PDE10A: variants seen among roughly 807,000 people sequenced by gnomAD.
PDE10A encodes phosphodiesterase 10A, also known as cAMP and cAMP-inhibited cGMP 3',5'-cyclic phosphodiesterase 10A.
PDE10A carries 39 observed loss-of-function variants against 97.7 expected under a neutral mutation model. That is an observed-to-expected ratio of 0.40 (90% confidence interval 0.31 to 0.52). The LOEUF (loss-of-function observed/expected upper bound fraction) is 0.52, where lower values mean the gene tolerates loss of function less well. Among genes scored for constraint, PDE10A ranks in the 20% least tolerant of loss-of-function variants. The probability of loss-of-function intolerance (pLI) is 0.56; values close to 1 mark genes in which losing one functional copy is unlikely to be tolerated. For missense variants in PDE10A, 731 were observed against 1,047.8 expected (o/e 0.70, Z 4.17); for synonymous variants, 371 against 376.8 (o/e 0.98, Z 0.18).
At chr6:165,534,811 G>T (rs1054012478) in intron 2 of PDE10A, among the ~76,000 whole-genome samples, 3 of 151,954 alleles carry the variant, frequency 2.0e-5, no homozygotes, top group Admixed American at 6.6e-5. Context: ...AACAATAAAG[G>T]CCATATACAA....
chr6:165,933,990 T>C (rs1783237860), intron 1 of PDE10A, among the ~76,000 whole-genome samples: 1 of 143,824 alleles, frequency 7.0e-6, no homozygotes, highest in South Asian at 2.2e-4. Context: ...TCAATTCCCT[T>C]TTTTTTTTTT....
intron 1 of PDE10A, among the ~76,000 whole-genome samples, chr6:165,608,234 T>C (rs1475024210): frequency 4.7e-5 from 7 of 149,178 alleles, no homozygotes; most frequent in Non-Finnish European, 1.5e-5. Context: ...TTACATTAGG[T>C]ATATCTCCTA....
intron 1 of PDE10A, among the ~76,000 whole-genome samples, chr6:165,943,225 A>AAG (rs1357344284): frequency 2.2e-4 from 16 of 71,464 alleles, no homozygotes; most frequent in African/African-American, 9.0e-4. Context: ...GAAAGAAAGA[A>AAG]AGAAAGAAAG....
At chr6:165,887,488 C>A (rs1363900923) in intron 1 of PDE10A, among the ~76,000 whole-genome samples, 1 of 152,146 alleles carries the variant, frequency 6.6e-6, no homozygotes, top group African/African-American at 2.4e-5. Context: ...CCTCCTGAAC[C>A]TTTCCTTCAC....
intron 18 of PDE10A, among the ~76,000 whole-genome samples, chr6:165,356,968 C>A (rs1783066766): frequency 6.6e-6 from 1 of 152,082 alleles, no homozygotes; most frequent in Non-Finnish European, 1.5e-5. Context: ...CAGAACTAGA[C>A]AGAGGGGGTA....
chr6:165,828,267 G>A (rs1779814731), intron 1 of PDE10A, among the ~76,000 whole-genome samples: 2 of 152,200 alleles, frequency 1.3e-5, no homozygotes, highest in African/African-American at 2.4e-5. Flanking sequence ...ACCTGCAGTA[G>A]GTATGAAATA....
intron 1 of PDE10A, among the ~76,000 whole-genome samples, chr6:165,839,690 T>C (rs1343015434): frequency 1.3e-5 from 1 of 79,630 alleles, no homozygotes; most frequent in Non-Finnish European, 2.7e-5. Flanking sequence ...CGTGTCCATC[T>C]CCATCCCCAT....
chr6:165,805,068 A>G (rs1459682497), intron 1 of PDE10A, among the ~76,000 whole-genome samples: 1 of 112,576 alleles, frequency 8.9e-6, no homozygotes, highest in African/African-American at 3.4e-5. Context: ...ATGGAGGGAC[A>G]TGGGGCGTAC....
At chr6:165,759,934 G>C (rs1402938313) in intron 1 of PDE10A, among the ~76,000 whole-genome samples, 1 of 152,100 alleles carries the variant, frequency 6.6e-6, no homozygotes, top group South Asian at 2.1e-4. Flanking sequence ...ATTATTTTAT[G>C]TTTCTTTTCC....
intron 1 of PDE10A, among the ~76,000 whole-genome samples, chr6:165,646,809 T>A (rs1789421294): frequency 6.6e-6 from 1 of 152,214 alleles, no homozygotes; most frequent in Non-Finnish European, 1.5e-5. Flanking sequence ...AAATATGACC[T>A]ACTGAGAGAC....
At chr6:165,873,400 T>C (rs1781254330) in intron 1 of PDE10A, among the ~76,000 whole-genome samples, 1 of 152,212 alleles carries the variant, frequency 6.6e-6, no homozygotes. Context: ...TAACTTGCTC[T>C]GCGGGGAAGG....
At chr6:165,490,397 A>G (rs1780160493) in intron 2 of PDE10A, among the ~76,000 whole-genome samples, 1 of 152,244 alleles carries the variant, frequency 6.6e-6, no homozygotes, top group African/African-American at 2.4e-5. Context: ...ACAAATGCCA[A>G]GAGAATTCGC....
At chr6:165,362,021 A>T (rs1310347053) in intron 18 of PDE10A, among the ~76,000 whole-genome samples, 4 of 152,218 alleles carry the variant, frequency 2.6e-5, no homozygotes, top group Non-Finnish European at 5.9e-5. Context: ...AATATATCAA[A>T]GCTCATGGGA....
chr6:165,642,705 C>T (rs1410199295), intron 1 of PDE10A, among the ~76,000 whole-genome samples: 1 of 152,216 alleles, frequency 6.6e-6, no homozygotes, highest in Non-Finnish European at 1.5e-5. Flanking sequence ...TGCTTTCAGA[C>T]ACTCTCAGGT....
chr6:165,335,791 G>T (rs1408621547), intron 21 of PDE10A, among the ~76,000 whole-genome samples: 4 of 152,140 alleles, frequency 2.6e-5, no homozygotes, highest in Non-Finnish European at 5.9e-5. Flanking sequence ...CACCGAGACA[G>T]AGGCCCTCCC....
intron 1 of PDE10A, among the ~76,000 whole-genome samples, chr6:165,669,206 C>G (rs28360519): frequency 0.39 from 59,777 of 152,086 alleles, 12,734 homozygotes; most frequent in Non-Finnish European, 0.46. Context: ...GATGAGCGAC[C>G]TTGTTTTTTC....
chr6:165,849,150 T>A (rs928064044), intron 1 of PDE10A, among the ~76,000 whole-genome samples: 1 of 152,242 alleles, frequency 6.6e-6, no homozygotes, highest in Non-Finnish European at 1.5e-5. Context: ...TATTTTATTG[T>A]TATTGCTCCT....
At chr6:165,762,338 G>A in intron 1 of PDE10A, among the ~76,000 whole-genome samples, 1 of 152,168 alleles carries the variant, frequency 6.6e-6, no homozygotes, top group South Asian at 2.1e-4. Context: ...CGTGTTGTCT[G>A]AGTGATTGGC....
At chr6:165,932,240 A>G (rs1033808779) in intron 1 of PDE10A, among the ~76,000 whole-genome samples, 2 of 152,226 alleles carry the variant, frequency 1.3e-5, no homozygotes, top group African/African-American at 4.8e-5. Context: ...CTTGAGGTTA[A>G]TAAGGCTTTT....
Sources: allele counts gnomAD v4.1 joint callset (sites outside exome capture counted in the v4.1 genomes callset), GRCh38; gene constraint gnomAD v4.1.1; transcripts MANE v1.5; gene names NCBI Gene and HGNC (gene_info 2026-07-23, HGNC 2026-07-21).